The following THSD4 variants were observed in gnomAD, a reference collection of about 807,000 sequenced individuals.
The protein encoded by THSD4 is thrombospondin type 1 domain containing 4, also known as thrombospondin type-1 domain-containing protein 4.
A neutral mutation model predicts 119.0 loss-of-function variants in THSD4; 69 were observed. That is an observed-to-expected ratio of 0.58 (90% CI 0.48 to 0.71). The LOEUF (loss-of-function observed/expected upper bound fraction) is 0.71, where lower values mean the gene tolerates loss of function less well. Ranked by LOEUF, THSD4 falls within the 30% of genes least tolerant of loss-of-function variation. The pLI is 0.00. For synonymous variants in THSD4, 524 were observed against 540.4 expected (o/e 0.97, Z 0.42); for missense variants, 1,393 against 1,391.1 (o/e 1.00, Z -0.02).
chr15:71,604,240 T>C (rs1233948959), intron 7 of THSD4, among the ~76,000 whole-genome samples: 1 of 152,202 alleles, frequency 6.6e-6, no homozygotes, highest in African/African-American at 2.4e-5. Flanking sequence ...GTGCAGCCTT[T>C]TTCTTCCTCC....
chr15:71,768,215 C>T (rs955871379), intron 16 of THSD4, among the ~76,000 whole-genome samples: 3 of 151,282 alleles, frequency 2.0e-5, no homozygotes, highest in African/African-American at 4.8e-5. Context: ...CATTGCACAT[C>T]AGTGGCCACT....
chr15:71,738,560 T>C (rs2053173489), intron 11 of THSD4, among the ~76,000 whole-genome samples: 1 of 152,126 alleles, frequency 6.6e-6, no homozygotes, highest in African/African-American at 2.4e-5. Flanking sequence ...TTCGAGTTAA[T>C]AAAGGAAAAG....
intron 6 of THSD4, among the ~76,000 whole-genome samples, chr15:71,366,541 C>T (rs2045967831): frequency 6.6e-6 from 1 of 152,106 alleles, no homozygotes; most frequent in Non-Finnish European, 1.5e-5. Flanking sequence ...CTATATTTCC[C>T]ATGACAACAC....
intron 7 of THSD4, among the ~76,000 whole-genome samples, chr15:71,655,096 C>T (rs2051163657): frequency 6.6e-6 from 1 of 152,184 alleles, no homozygotes; most frequent in Non-Finnish European, 1.5e-5. Flanking sequence ...AATTTTCCTA[C>T]AACGTGTTGC....
At chr15:71,112,084 G>T (rs760880783), upstream of THSD4, 1 of 1,610,826 alleles carries the variant, frequency 6.2e-7, no homozygotes, top group East Asian at 2.2e-5. Context: ...CACATGCCCT[G>T]AACTCCCAGA....
At chr15:71,475,111 T>C (rs904608809) in intron 7 of THSD4, among the ~76,000 whole-genome samples, 1 of 152,230 alleles carries the variant, frequency 6.6e-6, no homozygotes, top group Non-Finnish European at 1.5e-5. Flanking sequence ...CCCTGCATTA[T>C]GCCTTCCTCT....
chr15:71,754,741 A>G (rs939890352), intron 14 of THSD4, among the ~76,000 whole-genome samples: 1 of 152,222 alleles, frequency 6.6e-6, no homozygotes, highest in Non-Finnish European at 1.5e-5. Flanking sequence ...AACAGATAAA[A>G]AGCATACCAA....
At chr15:71,431,470 A>T (rs2046942354) in intron 7 of THSD4, among the ~76,000 whole-genome samples, 2 of 152,200 alleles carry the variant, frequency 1.3e-5, no homozygotes, top group Non-Finnish European at 1.5e-5. Context: ...AAAACAATTT[A>T]CTGTGGACAA....
chr15:71,577,051 A>G (rs2049460408), intron 7 of THSD4, among the ~76,000 whole-genome samples: 1 of 151,892 alleles, frequency 6.6e-6, no homozygotes, highest in Non-Finnish European at 1.5e-5. Context: ...TGCAGTATGA[A>G]CTGTAAATGT....
At position 71,242,770 on chromosome 15, in the gene THSD4, T is replaced by A; in HGVS notation, c.586T>A (p.Ser196Thr). Reference protein sequence around the residue: ...PQRLRRQKLSSRHSRSQGASS... With the variant: ...PQRLRRQKLSTRHSRSQGASS... ...GAGGCTCCGGAGACAGAAGCTCTCATCCCGCCATTCCAGGTCCCAGGGAGC... is the reference window on the plus strand; with the variant it reads ...GAGGCTCCGGAGACAGAAGCTCTCAACCCGCCATTCCAGGTCCCAGGGAGC... Residue 196 changes from serine to threonine, a missense_variant, in exon 5 of 18, where the codon TCC (serine) becomes ACC (threonine). By Grantham distance (58) the Ser-to-Thr change is moderately conservative. Transcript: ENST00000261862. 6.2e-7 allele frequency: 1 copy of A among 1,614,074 alleles called. No individual in the cohort carries two copies. The highest frequency in any genetic ancestry group is 8.5e-7 in the Non-Finnish European group (1 of 1,180,022).
intron 6 of THSD4, among the ~76,000 whole-genome samples, chr15:71,347,640 C>A (rs1045876947): frequency 1.3e-5 from 2 of 152,156 alleles, no homozygotes; most frequent in Non-Finnish European, 2.9e-5. Context: ...TTTTTATATA[C>A]CTGTGCAGTC....
Position 71,731,121 on chromosome 15 carries a change from A to G in THSD4, c.1534A>G (p.Met512Val), listed in dbSNP as rs1377172722. ...GTAACACTGATTTTTGTGTCAGCAG[A>G]TGATACACCAGCAGCCAAACCCAGG... The part of the protein sequence containing the change: ...GPTNEILDVY[M>V]IHQQPNPGVH... The change falls in exon 10 of 18, where the codon ATG (methionine) becomes GTG (valine). Residue 512 changes from methionine to valine, a missense_variant and splice_region_variant. By Grantham distance (21) the Met-to-Val change is conservative. Transcript: ENST00000261862. The G allele has an allele frequency of 2.5e-6, 4 of 1,614,084 alleles. No homozygotes were observed. Among genetic ancestry groups the G allele is most frequent in the Non-Finnish European group, 3.4e-6 (4 of 1,179,982 alleles).
intron 6 of THSD4, among the ~76,000 whole-genome samples, chr15:71,407,906 C>T (rs960066042): frequency 6.6e-6 from 1 of 152,148 alleles, no homozygotes; most frequent in Non-Finnish European, 1.5e-5. Flanking sequence ...GCTGGTGCTG[C>T]CAGTCCCAGG....
At chr15:71,726,273 G>A (rs191284723) in intron 8 of THSD4, among the ~76,000 whole-genome samples, 2 of 152,342 alleles carry the variant, frequency 1.3e-5, no homozygotes, top group Admixed American at 1.3e-4. Flanking sequence ...TGCAGGGGGA[G>A]CCCAGCTGGA....
At chr15:71,284,982 C>G (rs1449009186) in intron 6 of THSD4, among the ~76,000 whole-genome samples, 1 of 152,076 alleles carries the variant, frequency 6.6e-6, no homozygotes, top group East Asian at 1.9e-4. Flanking sequence ...AATATTCAAC[C>G]ACTGTCTGCA....
chr15:71,717,640 A>G (rs1289051985), intron 8 of THSD4, among the ~76,000 whole-genome samples: 1 of 152,004 alleles, frequency 6.6e-6, no homozygotes, highest in Non-Finnish European at 1.5e-5. Flanking sequence ...ATTAAACATC[A>G]AAGAACAGGG....
At chr15:71,458,419 T>C (rs1443136401) in intron 7 of THSD4, among the ~76,000 whole-genome samples, 1 of 152,176 alleles carries the variant, frequency 6.6e-6, no homozygotes, top group Non-Finnish European at 1.5e-5. Flanking sequence ...TTCTAAACTT[T>C]AGTGTGCTTA....
At chr15:71,497,473 A>G (rs189427065) in intron 7 of THSD4, among the ~76,000 whole-genome samples, 3 of 152,184 alleles carry the variant, frequency 2.0e-5, no homozygotes, top group African/African-American at 4.8e-5. Context: ...ACGTCGCACT[A>G]CAGCATACCA....
intron 6 of THSD4, among the ~76,000 whole-genome samples, chr15:71,359,064 A>G (rs958241300): frequency 1.1e-4 from 17 of 152,212 alleles, no homozygotes; most frequent in South Asian, 6.2e-4. Context: ...TTAATTTGGT[A>G]CAAGTTAACG....
Sources: gnomAD v4.1 joint callset for allele counts (sites outside exome capture counted in the v4.1 genomes callset) on GRCh38, gnomAD v4.1.1 for gene constraint, MANE v1.5 for transcripts, NCBI Gene and HGNC (gene_info 2026-07-23, HGNC 2026-07-21) for gene names.